MALRD1: variants seen among roughly 807,000 people sequenced by gnomAD.
MALRD1 encodes the protein MAM and LDL-receptor class A domain-containing protein 1.
In MALRD1, 247 loss-of-function variants were observed where a neutral mutation model predicts 242.1. The ratio of observed to expected loss-of-function variants is 1.02; its 90% confidence interval spans 0.92 to 1.13. The LOEUF (loss-of-function observed/expected upper bound fraction) is 1.13. MALRD1 is among the 50% of genes most tolerant of loss of function. The probability of loss-of-function intolerance (pLI) is 0.00; values close to 1 mark genes in which losing one functional copy is unlikely to be tolerated. For synonymous variants in MALRD1, 995 were observed against 866.6 expected, an observed-to-expected ratio of 1.15 and a Z score of -2.60; for missense variants, 2,989 against 2,533.1, an observed-to-expected ratio of 1.18 and a Z score of -3.86.
At chr10:19,368,921 GTA>G (rs1452601571) in intron 26 of MALRD1, among the ~76,000 whole-genome samples, 1 of 146,800 alleles carries the variant, frequency 6.8e-6, no homozygotes, top group South Asian at 2.1e-4. Context: ...GTGTGTGTGT[GTA>G]TGTAATTTAA....
intron 18 of MALRD1, among the ~76,000 whole-genome samples, chr10:19,246,398 G>A (rs561806001): frequency 2.6e-5 from 4 of 152,236 alleles, no homozygotes; most frequent in East Asian, 1.9e-4. Context: ...ATACCCAGAG[G>A]GGGAGACACC....
chr10:19,518,241 T>A (rs1179801150), intron 31 of MALRD1, among the ~76,000 whole-genome samples: 1 of 152,212 alleles, frequency 6.6e-6, no homozygotes, highest in Non-Finnish European at 1.5e-5. Context: ...TTGCAGAAAC[T>A]CAAAGAGACA....
intron 28 of MALRD1, among the ~76,000 whole-genome samples, chr10:19,416,157 G>A (rs1281898092): frequency 6.6e-6 from 1 of 152,174 alleles, no homozygotes; most frequent in Non-Finnish European, 1.5e-5. Context: ...ACTTAATTGT[G>A]TTTGAAGTAG....
At chr10:19,455,493 G>A (rs915808237) in intron 29 of MALRD1, among the ~76,000 whole-genome samples, 1 of 152,140 alleles carries the variant, frequency 6.6e-6, no homozygotes, top group African/African-American at 2.4e-5. Flanking sequence ...TTAGGCAAAT[G>A]ACATGATCTT....
intron 29 of MALRD1, 114 bp from the exon 30 acceptor site, chr10:19,491,403 T>C (rs1158717432): frequency 1.6e-6 from 2 of 1,289,716 alleles, no homozygotes; most frequent in African/African-American, 1.5e-5. Flanking sequence ...TAGGCAACTG[T>C]TGAAATCCTT....
intron 21 of MALRD1, 41 bp from the exon 22 acceptor site, chr10:19,323,908 G>T (rs979980036): frequency 1.3e-6 from 2 of 1,540,610 alleles, no homozygotes; most frequent in Non-Finnish European, 1.8e-6. Flanking sequence ...ACCGTGCCCG[G>T]CCTCTTATTC....
chr10:19,048,112 A>G (rs1451476397), upstream of MALRD1, among the ~76,000 whole-genome samples: 2 of 152,198 alleles, frequency 1.3e-5, no homozygotes, highest in Non-Finnish European at 2.9e-5. Flanking sequence ...CACTTGTAAA[A>G]GTAAATCGTG....
At chr10:19,164,835 G>A (rs1472176664) in intron 12 of MALRD1, among the ~76,000 whole-genome samples, 3 of 151,950 alleles carry the variant, frequency 2.0e-5, no homozygotes, top group Non-Finnish European at 4.4e-5. Context: ...TTTAGATTGT[G>A]TCATTATTGA....
At chr10:19,058,382 G>A (rs1046233296) in intron 1 of MALRD1, among the ~76,000 whole-genome samples, 12 of 152,218 alleles carry the variant, frequency 7.9e-5, no homozygotes, top group Admixed American at 4.6e-4. Flanking sequence ...TATTAACAAC[G>A]AAGCCATAAT....
At chr10:19,069,834 C>G (rs1002230455) in intron 2 of MALRD1, among the ~76,000 whole-genome samples, 1 of 151,800 alleles carries the variant, frequency 6.6e-6, no homozygotes, top group African/African-American at 2.4e-5. Flanking sequence ...TCAGCACGAA[C>G]ATTTTAAATT....
intron 29 of MALRD1, among the ~76,000 whole-genome samples, chr10:19,480,457 G>A (rs922628120): frequency 6.6e-6 from 1 of 152,126 alleles, no homozygotes; most frequent in African/African-American, 2.4e-5. Flanking sequence ...GGAGAAGGAA[G>A]GTTGAGACAT....
chr10:19,469,222 T>A (rs1836374226), intron 29 of MALRD1, among the ~76,000 whole-genome samples: 1 of 152,146 alleles, frequency 6.6e-6, no homozygotes, highest in African/African-American at 2.4e-5. Context: ...AAATAAGATG[T>A]TCCCCTTAGT....
At chr10:19,528,882 C>A (rs1440823500) in intron 31 of MALRD1, among the ~76,000 whole-genome samples, 1 of 152,170 alleles carries the variant, frequency 6.6e-6, no homozygotes, top group African/African-American at 2.4e-5. Flanking sequence ...GCCAGCCAGA[C>A]AGACACAGAG....
chr10:19,391,100 A>C (rs1000836621), intron 28 of MALRD1, among the ~76,000 whole-genome samples: 4 of 152,116 alleles, frequency 2.6e-5, no homozygotes, highest in Non-Finnish European at 2.9e-5. Flanking sequence ...TATTTCTAGA[A>C]AGTGTAATAC....
intron 14 of MALRD1, among the ~76,000 whole-genome samples, chr10:19,196,451 T>C (rs1836252958): frequency 1.3e-5 from 2 of 151,978 alleles, no homozygotes; most frequent in Non-Finnish European, 2.9e-5. Flanking sequence ...CTATTCTCAA[T>C]CTTCATTTGA....
intron 38 of MALRD1, among the ~76,000 whole-genome samples, chr10:19,725,582 T>C (rs1834985401): frequency 6.6e-6 from 1 of 152,152 alleles, no homozygotes; most frequent in Non-Finnish European, 1.5e-5. Flanking sequence ...CCAACAGCCA[T>C]TTTTGCAAAA....
At chr10:19,721,659 GACC>G (rs1169420830) in intron 38 of MALRD1, 8 of 152,204 alleles carry the variant, frequency 5.3e-5, no homozygotes, top group Non-Finnish European at 1.0e-4. Context: ...TACATAGGAA[GACC>G]ACAGGTCTTT....
At chr10:19,350,488 G>A (rs1470763893) in intron 25 of MALRD1, among the ~76,000 whole-genome samples, 2 of 151,850 alleles carry the variant, frequency 1.3e-5, no homozygotes, top group African/African-American at 4.8e-5. Context: ...AGTTGGCAAG[G>A]CTGGTCTCGA....
Position 19,066,763 on chromosome 10 carries a change from A to G in MALRD1, c.244A>G (p.Met82Val). Residue 82 changes from methionine (M) to valine (V), a missense_variant, in exon 2 of 40, where the codon ATG (methionine) becomes GTG (valine). Physicochemically the swap from Met to Val is conservative, Grantham distance 21 (BLOSUM62 1). Coordinates refer to ENST00000454679, the MANE Select transcript of MALRD1 (RefSeq NM_001142308.3). ...RCDFEDGLCH[M>V]TQDQSLQPSW... The stretch of plus-strand genomic sequence containing the variant: ...TGATTTTGAGGATGGTCTCTGTCAT[A>G]TGACTCAAGATCAGAGTCTGCAACC... 8.1e-7 allele frequency: 1 copy of G among 1,233,690 alleles called. No individual in the cohort carries two copies. Among genetic ancestry groups the G allele is most frequent in the Non-Finnish European group, 1.0e-6 (1 of 987,978 alleles). 76.4% of individuals were successfully genotyped at this position (1,233,690 alleles called of 1,614,324 possible). A position where few individuals can be genotyped will look rare whatever the true frequency, so the allele number is the denominator to read the frequency against.
Sources: gnomAD v4.1 joint callset for allele counts (sites outside exome capture counted in the v4.1 genomes callset) on GRCh38, gnomAD v4.1.1 for gene constraint, MANE v1.5 for transcripts, NCBI Gene and HGNC (gene_info 2026-07-23, HGNC 2026-07-21) for gene names.